The following KANK1 variants were observed in gnomAD, a reference collection of about 807,000 sequenced individuals.
KANK1 encodes the protein KN motif and ankyrin repeat domain-containing protein 1.
In KANK1, 109 loss-of-function variants were observed where a neutral mutation model predicts 106.2. The ratio of observed to expected loss-of-function variants is 1.03; its 90% CI spans 0.88 to 1.20. KANK1 has a LOEUF of 1.20. Ranked by LOEUF, KANK1 falls within the 50% of genes most tolerant of loss-of-function variation. KANK1 has a pLI of 0.00. For synonymous variants in KANK1, 873 were observed against 652.2 expected (o/e 1.34, Z -5.16); for missense variants, 2,399 against 1,710.7 (o/e 1.40, Z -7.10).
intron 1 of KANK1, among the ~76,000 whole-genome samples, chr9:664,653 C>T (rs556513421): frequency 1.3e-5 from 2 of 152,260 alleles, no homozygotes; most frequent in Admixed American, 6.5e-5. Context: ...ACAGATCTCT[C>T]TTCAATATAT....
intron 2 of KANK1, among the ~76,000 whole-genome samples, chr9:686,593 AT>A (rs896587914): frequency 7.2e-5 from 11 of 152,184 alleles, no homozygotes; most frequent in African/African-American, 2.4e-4. Flanking sequence ...AAAAAAATTA[AT>A]TGCAAAACAC....
intron 2 of KANK1, among the ~76,000 whole-genome samples, chr9:683,334 G>C (rs1817934569): frequency 6.6e-6 from 1 of 152,182 alleles, no homozygotes; most frequent in South Asian, 2.1e-4. Flanking sequence ...GAATAGCTGA[G>C]AGGGTAAAAC....
chr9:600,284 G>T (rs181219703), intron 1 of KANK1, among the ~76,000 whole-genome samples: 2 of 151,576 alleles, frequency 1.3e-5, no homozygotes, highest in Non-Finnish European at 2.9e-5. Context: ...GGAATCACAC[G>T]CTGTCTGTCT....
chr9:698,987 C>G (rs796195740), intron 2 of KANK1, among the ~76,000 whole-genome samples: 91 of 152,158 alleles, frequency 6.0e-4, no homozygotes, highest in African/African-American at 2.0e-3. Context: ...TGTCTGTCCC[C>G]TTTCTGCCTC....
chr9:493,609 G>A (rs1190647344), intron 3 of KANK1, among the ~76,000 whole-genome samples: 1 of 149,528 alleles, frequency 6.7e-6, no homozygotes, highest in East Asian at 2.0e-4. Context: ...GTGCAGTGGG[G>A]TGATCTCGGC....
At chr9:626,274 G>A (rs1834322064) in intron 1 of KANK1, among the ~76,000 whole-genome samples, 2 of 152,044 alleles carry the variant, frequency 1.3e-5, no homozygotes, top group South Asian at 2.1e-4. Context: ...GGCCAACATG[G>A]TGAAACCCCA....
chr9:593,579 T>C (rs1825522111), intron 1 of KANK1, among the ~76,000 whole-genome samples: 2 of 151,588 alleles, frequency 1.3e-5, no homozygotes, highest in Admixed American at 6.6e-5. Flanking sequence ...CAGAGTAACT[T>C]AGAGAAGTTA....
At chr9:657,150 T>C (rs996283549) in intron 1 of KANK1, among the ~76,000 whole-genome samples, 1 of 152,238 alleles carries the variant, frequency 6.6e-6, no homozygotes, top group Admixed American at 6.5e-5. Context: ...TTATTTCACT[T>C]AGCATAGTGT....
chr9:583,815 G>T (rs1379941860), intron 1 of KANK1, among the ~76,000 whole-genome samples: 1 of 151,850 alleles, frequency 6.6e-6, no homozygotes, highest in Non-Finnish European at 1.5e-5. Context: ...GAACACAGTA[G>T]TAGAAAAATA....
At chr9:566,046 C>T (rs1222875878) in intron 1 of KANK1, among the ~76,000 whole-genome samples, 1 of 152,198 alleles carries the variant, frequency 6.6e-6, no homozygotes, top group African/African-American at 2.4e-5. Flanking sequence ...GCTGCAGTGT[C>T]TGTTGTTGTC....
rs777703938 is a variant in KANK1 at position 740,889 on chromosome 9, G to A, written c.3651G>A (p.Val1217=). Residue 1217 remains valine (V), a synonymous_variant, in exon 9 of 12, where the codon GTG becomes GTA. Coordinates refer to ENST00000382297, the MANE Select transcript of KANK1 (RefSeq NM_015158.5). Reference sequence around the variant, plus strand: ...AAGCAGAGAAGGACATGCGGATTGTGGAAGAACTCTTCGGCTGTGGGGATG... The same window carrying A: ...AAGCAGAGAAGGACATGCGGATTGTAGAAGAACTCTTCGGCTGTGGGGATG... The part of the protein sequence containing the change: ...AVEAEKDMRI[V]EELFGCGDVN... The A allele has an allele frequency of 6.2e-7, 1 of 1,614,192 alleles. No individual in the cohort carries two copies. Among genetic ancestry groups the A allele is most frequent in the East Asian group, 2.2e-5 (1 of 44,886 alleles).
intron 1 of KANK1, among the ~76,000 whole-genome samples, chr9:670,015 G>A (rs1056652839): frequency 6.6e-6 from 1 of 152,156 alleles, no homozygotes; most frequent in East Asian, 1.9e-4. Flanking sequence ...CTGCTGTTGA[G>A]AGCCTCCAAT....
At position 744,582 on chromosome 9, in the gene KANK1, A is replaced by T. The variant is rs149391057; in HGVS notation, c.3989A>T (p.Gln1330Leu). The T allele has an allele frequency of 9.3e-6, 15 of 1,614,044 alleles. No homozygotes were observed. The African/African-American group carries it at 2.0e-4, about 22-fold the overall frequency. ...GCCCATGTCAACTTTGCAAAAGCCC[A>T]GTCTCCGGTCAGTGTTGTGCATTTG... ...LYAHVNFAKA[Q>L]SPGTPRLGRK... Residue 1330 changes from glutamine to leucine, a missense_variant, in exon 11 of 12, where the codon CAG becomes CTG. Transcript: ENST00000382297.
chr9:511,661 A>T (rs546390461), intron 1 of KANK1, among the ~76,000 whole-genome samples: 117 of 152,246 alleles, frequency 7.7e-4, no homozygotes, highest in African/African-American at 2.7e-3. Context: ...TTAATTTTTG[A>T]ATTTCTGAAT....
In KANK1 at chr9:734,778, A is replaced by G. The variant is rs780639248; in HGVS notation, c.3276A>G (p.Ala1092=). Residue 1092 remains alanine, a synonymous_variant, in exon 7 of 12, where the codon GCA becomes GCG. Coordinates refer to ENST00000382297, the MANE Select transcript of KANK1 (RefSeq NM_015158.5). ...RYELSEKMLS[A]CNLLKNTIND... ...AATTAAGTGAAAAGATGTTGTCTGCATGCAACTTACTGAAAAATACTATAA... is the reference window on the plus strand; with the variant it reads ...AATTAAGTGAAAAGATGTTGTCTGCGTGCAACTTACTGAAAAATACTATAA... 19 of 1,613,404 alleles carry G rather than the reference A, an allele frequency of 1.2e-5. No individual in the cohort carries two copies. Among genetic ancestry groups the G allele is most frequent in the South Asian group, 3.3e-5 (3 of 91,066 alleles).
intron 1 of KANK1, among the ~76,000 whole-genome samples, chr9:608,025 A>ATTTTT (rs200257324): frequency 0.023 from 1,740 of 77,072 alleles, 22 homozygotes; most frequent in Non-Finnish European, 0.036. Context: ...TATTATTATT[A>ATTTTT]TTATTATTAT....
At chr9:551,971 A>G (rs577127899) in intron 1 of KANK1, among the ~76,000 whole-genome samples, 208 of 152,138 alleles carry the variant, frequency 1.4e-3, no homozygotes, top group African/African-American at 4.6e-3. Context: ...TGGGAGGATC[A>G]CTTGAGCTCA....
intron 1 of KANK1, among the ~76,000 whole-genome samples, chr9:532,851 T>G (rs1010818364): frequency 2.6e-5 from 4 of 152,194 alleles, no homozygotes; most frequent in African/African-American, 9.6e-5. Context: ...CTTGTTTTTC[T>G]TATCTCTTGG....
intron 1 of KANK1, among the ~76,000 whole-genome samples, chr9:610,161 G>A (rs1317641055): frequency 1.3e-5 from 2 of 152,044 alleles, no homozygotes; most frequent in Non-Finnish European, 2.9e-5. Context: ...ACTTCCTTGC[G>A]ATAAGTTCAC....
Sources: gnomAD v4.1 joint callset for allele counts (sites outside exome capture counted in the v4.1 genomes callset) on GRCh38, gnomAD v4.1.1 for gene constraint, MANE v1.5 for transcripts, NCBI Gene and HGNC (gene_info 2026-07-23, HGNC 2026-07-21) for gene names.